Variants in ULK4 observed in about 807,000 individuals in gnomAD.
ULK4 encodes inactive serine/threonine-protein kinase ULK4.
A neutral mutation model predicts 160.6 loss-of-function variants in ULK4; 133 were observed. The observed-to-expected ratio is 0.83, with a 90% confidence interval of 0.72 to 0.96. The LOEUF (loss-of-function observed/expected upper bound fraction) is 0.96, where lower values mean the gene tolerates loss of function less well. Among genes scored for constraint, ULK4 ranks in the 40% least tolerant of loss-of-function variants. The probability of loss-of-function intolerance (pLI) is 0.00; values close to 1 mark genes in which losing one functional copy is unlikely to be tolerated. For missense variants in ULK4, 1,580 were observed against 1,499.5 expected (o/e 1.05, Z -0.89); for synonymous variants, 534 against 539.8 (o/e 0.99, Z 0.15).
At chr3:41,660,307 GAAGA>G (rs2035106024) in intron 30 of ULK4, among the ~76,000 whole-genome samples, 1 of 150,796 alleles carries the variant, frequency 6.6e-6, no homozygotes, top group Non-Finnish European at 1.5e-5. Flanking sequence ...AAAAAAAAAA[GAAGA>G]GAGAAAAGAA....
intron 35 of ULK4, among the ~76,000 whole-genome samples, chr3:41,299,405 C>T (rs2079738284): frequency 1.3e-5 from 2 of 152,252 alleles, no homozygotes; most frequent in East Asian, 3.9e-4. Context: ...TTATAACTTG[C>T]AATGATTCTT....
intron 35 of ULK4, among the ~76,000 whole-genome samples, chr3:41,395,968 G>C (rs2082050106): frequency 6.6e-6 from 1 of 152,120 alleles, no homozygotes; most frequent in African/African-American, 2.4e-5. Flanking sequence ...CAAACTAAAA[G>C]ATGGTAGAAT....
At chr3:41,372,186 G>A (rs182851684) in intron 35 of ULK4, among the ~76,000 whole-genome samples, 4 of 152,252 alleles carry the variant, frequency 2.6e-5, no homozygotes, top group East Asian at 1.9e-4. Context: ...ACCTGAAAGC[G>A]ATGGAAAGAA....
intron 18 of ULK4, among the ~76,000 whole-genome samples, chr3:41,824,728 C>T (rs1219984971): frequency 6.6e-6 from 1 of 152,224 alleles, no homozygotes; most frequent in African/African-American, 2.4e-5. Flanking sequence ...CTGTAGACTC[C>T]ACCTCTGGGG....
In ULK4 at chr3:41,363,452, G is replaced by C. The variant is rs148645477; in HGVS notation, c.3678+34627C>G. On this transcript the variant is annotated intron_variant, in intron 35 of 36. Transcript: ENST00000301831. ...TGCTGGGAGGTTCTGGCCTGGGATA[G>C]CTCCCTACCTCTCTGTGTGGCTCCA... 6.2e-3 allele frequency among the ~76,000 whole-genome samples: 941 copies of C among 152,250 alleles called. 8 individuals are homozygous for C. Among genetic ancestry groups the C allele is most frequent in the African/African-American group, 0.022 (901 of 41,562 alleles).
chr3:41,504,111 T>C (rs1455431248), intron 32 of ULK4, among the ~76,000 whole-genome samples: 3 of 152,168 alleles, frequency 2.0e-5, no homozygotes, highest in Non-Finnish European at 2.9e-5. Context: ...AGGTAGAGAA[T>C]GCTTGTCCCT....
chr3:41,839,801 G>A (rs954555908), intron 17 of ULK4, among the ~76,000 whole-genome samples: 5 of 151,764 alleles, frequency 3.3e-5, no homozygotes, highest in Non-Finnish European at 7.4e-5. Context: ...ATAAACACAT[G>A]GAAACTGAAA....
intron 20 of ULK4, among the ~76,000 whole-genome samples, chr3:41,798,100 T>G (rs565674958): frequency 1.3e-5 from 2 of 151,998 alleles, no homozygotes; most frequent in Admixed American, 1.3e-4. Flanking sequence ...AAGCCCAAGA[T>G]AGAGTCAAAC....
chr3:41,574,354 T>G (rs17058895), intron 31 of ULK4, among the ~76,000 whole-genome samples: 43,613 of 151,618 alleles, frequency 0.29, 6,767 homozygotes, highest in African/African-American at 0.41. Flanking sequence ...TATTGTTCCC[T>G]CATCTAGTCA....
At chr3:41,958,538 C>T (rs1346234110) in intron 1 of ULK4, among the ~76,000 whole-genome samples, 11 of 143,606 alleles carry the variant, frequency 7.7e-5, no homozygotes, top group Admixed American at 7.6e-4. Flanking sequence ...CTCATCTCTA[C>T]TAAAAATACA....
chr3:41,866,794 A>C (rs1170026935), intron 17 of ULK4, among the ~76,000 whole-genome samples: 1 of 152,238 alleles, frequency 6.6e-6, no homozygotes, highest in Admixed American at 6.5e-5. Context: ...AAGGTTTTTA[A>C]TAATGTACTA....
intron 35 of ULK4, among the ~76,000 whole-genome samples, chr3:41,291,037 G>A (rs1036184763): frequency 3.3e-5 from 5 of 152,152 alleles, no homozygotes; most frequent in African/African-American, 9.7e-5. Context: ...AGTGGTACAG[G>A]CAGATGGGAT....
chr3:41,745,449 C>A (rs1050956253), intron 22 of ULK4, among the ~76,000 whole-genome samples: 5 of 151,438 alleles, frequency 3.3e-5, no homozygotes, highest in Non-Finnish European at 7.4e-5. Flanking sequence ...AAAACTTGAC[C>A]TAGTAAAATT....
At chr3:41,351,198 T>C (rs989628768) in intron 35 of ULK4, among the ~76,000 whole-genome samples, 4 of 152,194 alleles carry the variant, frequency 2.6e-5, no homozygotes, top group African/African-American at 9.6e-5. Flanking sequence ...TGACTTGATA[T>C]ACCCCCTGAA....
chr3:41,321,398 T>C (rs1270600514), intron 35 of ULK4, among the ~76,000 whole-genome samples: 1 of 152,174 alleles, frequency 6.6e-6, no homozygotes, highest in African/African-American at 2.4e-5. Flanking sequence ...TCCACTGCAT[T>C]CCCTTTGCTC....
intron 32 of ULK4, among the ~76,000 whole-genome samples, chr3:41,546,766 T>TAAA (rs2086876690): frequency 3.6e-4 from 44 of 122,284 alleles, no homozygotes; most frequent in African/African-American, 1.5e-3. Flanking sequence ...CCCTAGGCCC[T>TAAA]TAAAAAAAAA....
chr3:41,486,910 G>C (rs969690943), intron 32 of ULK4, among the ~76,000 whole-genome samples: 2 of 152,020 alleles, frequency 1.3e-5, no homozygotes, highest in Admixed American at 1.3e-4. Context: ...ACTCAGATTT[G>C]GTTAGGTAAT....
chr3:41,291,976 C>A (rs897280297), intron 35 of ULK4, among the ~76,000 whole-genome samples: 1 of 151,746 alleles, frequency 6.6e-6, no homozygotes, highest in African/African-American at 2.4e-5. Context: ...GACTACAGGC[C>A]CCCACCACCA....
chr3:41,529,866 G>A (rs2086242813), intron 32 of ULK4, among the ~76,000 whole-genome samples: 1 of 152,114 alleles, frequency 6.6e-6, no homozygotes, highest in Non-Finnish European at 1.5e-5. Context: ...AATGTGAAGT[G>A]AAAGAAGCCA....
Sources: gnomAD v4.1 joint callset for allele counts (sites outside exome capture counted in the v4.1 genomes callset) on GRCh38, gnomAD v4.1.1 for gene constraint, MANE v1.5 for transcripts, NCBI Gene and HGNC (gene_info 2026-07-23, HGNC 2026-07-21) for gene names.